The following HDAC8 variants were observed in gnomAD, a reference collection of about 807,000 sequenced individuals.
HDAC8 encodes histone deacetylase 8, also known as histone deacetylase-like 1.
A neutral mutation model predicts 32.2 loss-of-function variants in HDAC8; 1 was observed. The ratio of observed to expected loss-of-function variants is 0.03; its 90% CI spans 0.01 to 0.15. The LOEUF (loss-of-function observed/expected upper bound fraction) is 0.15. Ranked by LOEUF, HDAC8 falls within the 10% of genes least tolerant of loss-of-function variation. The probability of loss-of-function intolerance (pLI) is 1.00; values close to 1 mark genes in which losing one functional copy is unlikely to be tolerated. For synonymous variants in HDAC8, 108 were observed against 113.9 expected, an observed-to-expected ratio of 0.95 and a Z score of 0.33; for missense variants, 117 against 300.0, an observed-to-expected ratio of 0.39 and a Z score of 4.51.
chrX:72,478,523 C>T (rs1011164959), intron 7 of HDAC8, among the ~76,000 whole-genome samples: 2 of 111,967 alleles, frequency 1.8e-5, no homozygotes, highest in African/African-American at 6.5e-5. Context: ...GCTCACTATG[C>T]AATGGCACTT....
At chrX:72,420,586 A>G (rs960727367) in intron 9 of HDAC8, among the ~76,000 whole-genome samples, 3 of 111,587 alleles carry the variant, frequency 2.7e-5, no homozygotes, top group African/African-American at 9.8e-5. Context: ...TATTCTCTGT[A>G]CCTATTATTG....
intron 4 of HDAC8, among the ~76,000 whole-genome samples, chrX:72,548,733 T>C (rs2050955403): frequency 9.0e-6 from 1 of 110,773 alleles, no homozygotes; most frequent in African/African-American, 3.3e-5. Context: ...TCACCCAGGC[T>C]GGAGTGCAGT....
At chrX:72,460,916 G>A (rs944396652) in intron 9 of HDAC8, among the ~76,000 whole-genome samples, 1 of 111,968 alleles carries the variant, frequency 8.9e-6, no homozygotes, top group African/African-American at 3.2e-5. Context: ...TATTAACCCT[G>A]ACATCAGCAA....
chrX:72,544,920 A>G (rs1556049770), intron 4 of HDAC8, among the ~76,000 whole-genome samples: 1 of 112,111 alleles, frequency 8.9e-6, no homozygotes, highest in East Asian at 2.8e-4. Flanking sequence ...CCTTGATTTT[A>G]GACTCAGAGA....
At chrX:72,466,362 G>A (rs781877342) in intron 7 of HDAC8, among the ~76,000 whole-genome samples, 3 of 112,000 alleles carry the variant, frequency 2.7e-5, no homozygotes, top group Non-Finnish European at 5.6e-5. Context: ...GAAATAGAGG[G>A]AAAGACACAG....
intron 9 of HDAC8, among the ~76,000 whole-genome samples, chrX:72,413,153 C>T (rs1053173496): frequency 3.7e-5 from 4 of 108,926 alleles, no homozygotes; most frequent in Non-Finnish European, 7.6e-5. Context: ...TTTTAGGGTA[C>T]ATGTGCACAA....
intron 7 of HDAC8, among the ~76,000 whole-genome samples, chrX:72,484,439 AAAT>A (rs1272584442): frequency 8.9e-6 from 1 of 112,123 alleles, no homozygotes; most frequent in Non-Finnish European, 1.9e-5. Flanking sequence ...CCTTTTGGTG[AAAT>A]TACTAAGCTG....
At position 72,477,530 on chromosome X, in the gene HDAC8, C is replaced by T. The variant is rs148421998; in HGVS notation, c.737+11403G>A. 6.3e-4 allele frequency among the ~76,000 whole-genome samples: 70 copies of T among 111,680 alleles called. No individual in the cohort carries two copies. In the East Asian group the frequency reaches 0.018, roughly 28 times the overall value. On this transcript the variant is annotated intron_variant, in intron 7 of 10. Coordinates refer to ENST00000373573, the MANE Select transcript of HDAC8 (RefSeq NM_018486.3). ...TGAGGGCCTCCCTAAGATTCAAAGCCGAAATTCTGCCATATAGTTAGCACC... is the reference window on the plus strand; with the variant it reads ...TGAGGGCCTCCCTAAGATTCAAAGCTGAAATTCTGCCATATAGTTAGCACC...
At chrX:72,398,286 G>A (rs1555966196) in intron 9 of HDAC8, among the ~76,000 whole-genome samples, 2 of 111,163 alleles carry the variant, frequency 1.8e-5, no homozygotes. Context: ...TGAAAGGCTT[G>A]TTCATATCTT....
At chrX:72,543,336 T>C (rs2050763805) in intron 4 of HDAC8, among the ~76,000 whole-genome samples, 1 of 111,178 alleles carries the variant, frequency 9.0e-6, no homozygotes, top group Non-Finnish European at 1.9e-5. Context: ...ATGTGTTATG[T>C]GTTAGAGTAG....
chrX:72,552,224 A>G (rs1324787423), intron 4 of HDAC8, among the ~76,000 whole-genome samples: 5 of 111,299 alleles, frequency 4.5e-5, no homozygotes, highest in Admixed American at 9.5e-5. Context: ...CACTCTGGGA[A>G]GCTGAGGTGG....
chrX:72,398,922 G>A (rs2045834165), intron 9 of HDAC8, among the ~76,000 whole-genome samples: 1 of 109,717 alleles, frequency 9.1e-6, no homozygotes, highest in African/African-American at 3.3e-5. Context: ...TGTGAGTAGG[G>A]AAGTTACTAG....
chrX:72,531,097 T>C (rs1486398670), intron 4 of HDAC8, among the ~76,000 whole-genome samples: 3 of 111,404 alleles, frequency 2.7e-5, no homozygotes, highest in Non-Finnish European at 3.8e-5. Flanking sequence ...AAGGAATGAT[T>C]GGTGATGAGG....
At chrX:72,439,742 G>A (rs1485432548) in intron 9 of HDAC8, among the ~76,000 whole-genome samples, 1 of 110,167 alleles carries the variant, frequency 9.1e-6, no homozygotes, top group Non-Finnish European at 1.9e-5. Flanking sequence ...ATTACATAAT[G>A]GTAAAGGGAT....
chrX:72,469,755 C>T (rs782136710), intron 7 of HDAC8, among the ~76,000 whole-genome samples: 2 of 111,894 alleles, frequency 1.8e-5, no homozygotes, highest in Non-Finnish European at 3.8e-5. Flanking sequence ...AGCTTGGCCA[C>T]GTTTCACTTT....
intron 9 of HDAC8, among the ~76,000 whole-genome samples, chrX:72,355,778 GT>G (rs1390772663): frequency 3.6e-5 from 4 of 111,811 alleles, no homozygotes; most frequent in African/African-American, 1.3e-4. Context: ...TAAGGTTGCT[GT>G]TATTCCTCCA....
At chrX:72,458,437 G>A (rs1438938260) in intron 9 of HDAC8, among the ~76,000 whole-genome samples, 1 of 112,071 alleles carries the variant, frequency 8.9e-6, no homozygotes, top group Non-Finnish European at 1.9e-5. Context: ...TCCCTGCATT[G>A]GTAATATAAT....
At chrX:72,473,146 T>A (rs1450634014) in intron 7 of HDAC8, among the ~76,000 whole-genome samples, 2 of 112,671 alleles carry the variant, frequency 1.8e-5, no homozygotes, top group Admixed American at 9.4e-5. Flanking sequence ...TCTTAGGCTA[T>A]GATCCAAAGT....
chrX:72,409,394 G>A (rs782251595), intron 9 of HDAC8, among the ~76,000 whole-genome samples: 59 of 111,733 alleles, frequency 5.3e-4, no homozygotes, highest in Admixed American at 8.5e-4. Context: ...AACAGATCGA[G>A]TTACTCCCTC....
Sources: gnomAD v4.1 joint callset for allele counts (sites outside exome capture counted in the v4.1 genomes callset) on GRCh38, gnomAD v4.1.1 for gene constraint, MANE v1.5 for transcripts, NCBI Gene and HGNC (gene_info 2026-07-23, HGNC 2026-07-21) for gene names.